The following NFATC1 variants were observed in gnomAD, a reference collection of about 807,000 sequenced individuals.
The protein encoded by NFATC1 is nuclear factor of activated T-cells, cytoplasmic 1.
A neutral mutation model predicts 76.0 loss-of-function variants in NFATC1; 22 were observed. The observed-to-expected ratio is 0.29, with a 90% CI of 0.21 to 0.41. NFATC1 has a LOEUF of 0.41. Among genes scored for constraint, NFATC1 ranks in the 10% least tolerant of loss-of-function variants. The pLI is 1.00. For missense variants in NFATC1, 1,357 were observed against 1,337.7 expected, an observed-to-expected ratio of 1.01 and a Z score of -0.23; for synonymous variants, 704 against 613.1, an observed-to-expected ratio of 1.15 and a Z score of -2.19.
chr18:79,425,555 G>GA lies in NFATC1; in HGVS notation c.1227-8020dup, dbSNP rs1307084535. 3.9e-5 allele frequency among the ~76,000 whole-genome samples: 6 copies of GA among 152,358 alleles called. No individual in the cohort carries two copies. In the South Asian group the frequency reaches 1.0e-3, roughly 26 times the overall value. ...GAGCACGTGCGGGCTTTAACCCTCG[G>GA]AAAATCAGAATTAAAGGATTTTACC... On this transcript the variant is annotated intron_variant, in intron 2 of 9. Coordinates refer to ENST00000427363, the MANE Select transcript of NFATC1 (RefSeq NM_001278669.2).
rs778447624 is a variant in NFATC1 at position 79,527,526 on chromosome 18, A to G, written c.2783-2A>G. On this transcript the variant is annotated splice_acceptor_variant, in intron 9 of 9. Coordinates refer to ENST00000427363, the MANE Select transcript of NFATC1 (RefSeq NM_001278669.2). LOFTEE classifies it high-confidence loss of function. Reference sequence around the variant, plus strand: ...ACTTTCTCAATTTTTCTTTTCTTACAGTAAATGAAATAATACGAAATGACC... The same window carrying G: ...ACTTTCTCAATTTTTCTTTTCTTACGGTAAATGAAATAATACGAAATGACC... 2 of 1,613,454 alleles carry G rather than the reference A, an allele frequency of 1.2e-6. No homozygotes were observed. Among genetic ancestry groups the G allele is most frequent in the Non-Finnish European group, 1.7e-6 (2 of 1,179,522 alleles).
In NFATC1 at chr18:79,467,841, C is replaced by T. The variant is rs558454952; in HGVS notation, c.2092+259C>T. The T allele has an allele frequency of 7.4e-5, 86 of 1,166,818 alleles. 1 individual carries two copies. Among genetic ancestry groups the T allele is most frequent in the Admixed American group, 7.3e-4 (16 of 21,972 alleles). 72.3% of individuals were successfully genotyped at this position (1,166,818 alleles called of 1,614,324 possible). A position where few individuals can be genotyped will look rare whatever the true frequency, so the allele number is the denominator to read the frequency against. ...ATAGTCACGGTTATTTTGCTTCTTGCGAATGTATAACAGCCAAGGGGAAAA... is the reference window on the plus strand; with the variant it reads ...ATAGTCACGGTTATTTTGCTTCTTGTGAATGTATAACAGCCAAGGGGAAAA... On this transcript the variant is annotated intron_variant, in intron 8 of 9. Transcript: ENST00000427363.
chr18:79,492,638 G>A (rs2089714077), intron 9 of NFATC1, among the ~76,000 whole-genome samples: 1 of 152,044 alleles, frequency 6.6e-6, no homozygotes, highest in Non-Finnish European at 1.5e-5. Flanking sequence ...GAACCTGGGA[G>A]GCGGAGCTTG....
Position 79,410,696 on chromosome 18 carries a change from G to T in NFATC1, c.421G>T (p.Val141Leu). The change falls in exon 2 of 10, where the codon GTG becomes TTG. Residue 141 changes from valine to leucine, a missense_variant. By Grantham distance (32) the Val-to-Leu change is conservative. Coordinates refer to ENST00000427363, the MANE Select transcript of NFATC1 (RefSeq NM_001278669.2). The surrounding 1 kb of genome is among the most constrained non-coding windows in gnomAD (Gnocchi z 6.7). The stretch of plus-strand genomic sequence containing the variant: ...TAACCAGTTTTTCCACGATGTGGAG[G>T]TGGAAGACGTCCTCCCTAGCTCCAA... ...NNNQFFHDVE[V>L]EDVLPSSKRS... The T allele has an allele frequency of 6.2e-7, 1 of 1,613,082 alleles. No homozygotes were observed. Among genetic ancestry groups the T allele is most frequent in the Non-Finnish European group, 8.5e-7 (1 of 1,180,008 alleles).
At chr18:79,407,443 T>C (rs2085481840) in intron 1 of NFATC1, among the ~76,000 whole-genome samples, 1 of 151,880 alleles carries the variant, frequency 6.6e-6, no homozygotes, top group Non-Finnish European at 1.5e-5. Flanking sequence ...GACCTCCTTA[T>C]TGATTTATTG....
At chr18:79,399,870 G>A (rs1193269233) in intron 1 of NFATC1, among the ~76,000 whole-genome samples, 3 of 152,182 alleles carry the variant, frequency 2.0e-5, no homozygotes, top group African/African-American at 7.2e-5. Context: ...CCTCGGGCTG[G>A]GACCTCCCCA....
At chr18:79,502,438 A>C (rs993577189) in intron 9 of NFATC1, among the ~76,000 whole-genome samples, 1 of 152,246 alleles carries the variant, frequency 6.6e-6, no homozygotes, top group Admixed American at 6.5e-5. Flanking sequence ...TAGATATGAC[A>C]TCAAAAGCAC....
In NFATC1 at chr18:79,474,222, C is replaced by CATT. The variant is rs1555913663; in HGVS notation, c.2092+6640_2092+6641insATT. Reference sequence around the variant, plus strand: ...AGCGTGTTCTCATGCTCACTGTCGACGTAAACCTGAGGGAAGCGTGTTCTC... The same window carrying CATT: ...AGCGTGTTCTCATGCTCACTGTCGACATTGTAAACCTGAGGGAAGCGTGTTCTC... On this transcript the variant is annotated intron_variant, in intron 8 of 9. Coordinates refer to ENST00000427363, the MANE Select transcript of NFATC1 (RefSeq NM_001278669.2). Among the ~76,000 whole-genome samples the CATT allele has an allele frequency of 4.0e-3, 309 of 77,866 alleles. 58 individuals are homozygous for CATT. The highest frequency in any genetic ancestry group is 5.2e-3 in the South Asian group (14 of 2,674). 51.1% of individuals were successfully genotyped at this position (77,866 alleles called of 152,430 possible).
In NFATC1 at chr18:79,527,842, C is replaced by G. The variant is rs957163214; in HGVS notation, c.*265C>G. ...GCCGGGCTGAGCACGGGAGACCCACCGTGCAGGGGCCTTTCATGGGAACGG... is the reference window on the plus strand; with the variant it reads ...GCCGGGCTGAGCACGGGAGACCCACGGTGCAGGGGCCTTTCATGGGAACGG... On this transcript the variant is annotated 3_prime_UTR_variant, in exon 10 of 10. Transcript: ENST00000427363. 1.9e-6 allele frequency: 1 copy of G among 522,206 alleles called. No individual in the cohort carries two copies. The highest frequency in any genetic ancestry group is 2.9e-5 in the East Asian group (1 of 34,886). The allele number at this position is 522,206 out of a possible 1,614,324, so 32.3% of individuals were successfully genotyped here.
At position 79,441,918 on chromosome 18, in the gene NFATC1, A is replaced by G. The variant is rs539873101; in HGVS notation, c.1387-6864A>G. Among the ~76,000 whole-genome samples, 34 of 152,146 alleles carry G rather than the reference A, an allele frequency of 2.2e-4. 1 individual carries two copies. In the South Asian group the frequency reaches 7.1e-3, roughly 32 times the overall value. ...TCTAAACGTGGTGTTTCCGGGCAGA[A>G]TCTTCTTCAGCCAAAGTGAGCGTGG... On this transcript the variant is annotated intron_variant, in intron 3 of 9. Transcript: ENST00000427363.
chr18:79,437,987 C>T lies in NFATC1; in HGVS notation c.1386+4249C>T, dbSNP rs1460428010. On this transcript the variant is annotated intron_variant, in intron 3 of 9. Transcript: ENST00000427363. ...GGGTGGAGAAGCACCCGGGCACAGCCATTGAGGCCTTTTCGTGCAACTCAT... is the reference window on the plus strand; with the variant it reads ...GGGTGGAGAAGCACCCGGGCACAGCTATTGAGGCCTTTTCGTGCAACTCAT... Among the ~76,000 whole-genome samples the T allele has an allele frequency of 1.4e-4, 21 of 152,240 alleles. 1 individual carries two copies. The highest frequency in any genetic ancestry group is 1.3e-3 in the Admixed American group (20 of 15,288).
At chr18:79,397,822 G>A (rs1376083606) in intron 1 of NFATC1, among the ~76,000 whole-genome samples, 4 of 152,218 alleles carry the variant, frequency 2.6e-5, no homozygotes, top group Admixed American at 6.5e-5. Context: ...CGACGGGGCA[G>A]TGGCTAGTTT....
chr18:79,470,062 T>C, intron 8 of NFATC1: 2 of 962,642 alleles, frequency 2.1e-6, no homozygotes, highest in Non-Finnish European at 2.5e-6. Context: ...ACTTCCTGCC[T>C]CTGCAACCCC....
chr18:79,494,259 G>GC (rs1429922942), intron 9 of NFATC1, among the ~76,000 whole-genome samples: 2 of 148,026 alleles, frequency 1.4e-5, no homozygotes, highest in Non-Finnish European at 3.0e-5. Flanking sequence ...GCGGGCACAC[G>GC]CCCCCCATGA....
At chr18:79,516,440 G>T (rs11662510) in intron 9 of NFATC1, among the ~76,000 whole-genome samples, 5,779 of 152,274 alleles carry the variant, frequency 0.038, 184 homozygotes, top group Admixed American at 0.067. Flanking sequence ...ATGCAGAATC[G>T]TAAAGAAGGG....
rs1045021050 is a variant in NFATC1, at chr18:79,486,425, T to C, written c.2270T>C (p.Leu757Pro). 1 of 1,612,310 alleles carries C rather than the reference T, an allele frequency of 6.2e-7. No individual in the cohort carries two copies. The highest frequency in any genetic ancestry group is 1.3e-5 in the African/African-American group (1 of 74,886). Reference sequence around the variant, plus strand: ...CCGCCCTGTCCGCAGAGAAGCACCCTGATGCCAGCGGCCCCTGGCGTGAGC... The same window carrying C: ...CCGCCCTGTCCGCAGAGAAGCACCCCGATGCCAGCGGCCCCTGGCGTGAGC... ...GFPPCPQRST[L>P]MPAAPGVSPK... Residue 757 changes from leucine (L) to proline (P), a missense_variant, in exon 9 of 10, where the codon CTG becomes CCG. Leu to Pro is a moderately conservative substitution (Grantham distance 98). This residue lies in a region of NFATC1 where 424 missense variants were observed against 395.4 expected (regional missense o/e 1.07). Transcript: ENST00000427363.
rs762752510 is a variant in NFATC1, at chr18:79,411,493, C to T, written c.1218C>T (p.Ser406=). 2.4e-5 allele frequency: 36 copies of T among 1,492,112 alleles called. No homozygotes were observed. The South Asian group carries it at 3.6e-4, about 15-fold the overall frequency. 92.4% of individuals were successfully genotyped at this position (1,492,112 alleles called of 1,614,324 possible). A position where few individuals can be genotyped will look rare whatever the true frequency, so the allele number is the denominator to read the frequency against. The change falls in exon 2 of 10, where the codon TCC becomes TCT. Residue 406 remains serine, a synonymous_variant. Transcript: ENST00000427363. Reference sequence around the variant, plus strand: ...AGCCCAAGCCCCTGTCCCCTACGTCCTACATGAGGTGAGCCGGCAGCGCGG... The same window carrying T: ...AGCCCAAGCCCCTGTCCCCTACGTCTTACATGAGGTGAGCCGGCAGCGCGG... ...WAKPKPLSPT[S]YMSPTLPALD...
intron 3 of NFATC1, among the ~76,000 whole-genome samples, chr18:79,442,862 A>T (rs2087037328): frequency 6.6e-6 from 1 of 151,464 alleles, no homozygotes; most frequent in South Asian, 2.1e-4. Flanking sequence ...CCCCACTCCC[A>T]CCCGGACAGC....
chr18:79,482,777 CCAGCGTGACCTGGTCCTGGGGTGTCACTT>C (rs1352201754), intron 8 of NFATC1, among the ~76,000 whole-genome samples: 5 of 138,852 alleles, frequency 3.6e-5, no homozygotes, highest in Admixed American at 7.4e-5. Flanking sequence ...GGGTGTAATT[CCAGCGTGACCTGGTCCTGGGGTGTCACTT>C]CAGCGTGACC....
Sources: gnomAD v4.1 joint callset for allele counts (sites outside exome capture counted in the v4.1 genomes callset) on GRCh38, gnomAD v4.1.1 for gene constraint, gnomAD v4.1.1 regional missense constraint, Gnocchi (gnomAD v3.1) non-coding constraint, MANE v1.5 for transcripts, NCBI Gene and HGNC (gene_info 2026-07-23, HGNC 2026-07-21) for gene names.